ARFGEF1: variants seen among roughly 807,000 people sequenced by gnomAD.
ARFGEF1 encodes the protein brefeldin A-inhibited guanine nucleotide-exchange protein 1.
A neutral mutation model predicts 231.0 loss-of-function variants in ARFGEF1; 42 were observed. The ratio of observed to expected loss-of-function variants is 0.18; its 90% CI spans 0.14 to 0.24. ARFGEF1 has a LOEUF of 0.24. ARFGEF1 is among the 10% of genes least tolerant of loss of function. ARFGEF1 has a pLI of 1.00. For synonymous variants in ARFGEF1, 710 were observed against 732.3 expected, an observed-to-expected ratio of 0.97 and a Z score of 0.49; for missense variants, 1,345 against 2,192.0, an observed-to-expected ratio of 0.61 and a Z score of 7.72.
chr8:67,266,246 A>T, intron 13 of ARFGEF1, 39 bp from the exon 14 acceptor site: 1 of 1,544,098 alleles, frequency 6.5e-7, no homozygotes, highest in Non-Finnish European at 8.8e-7. Context: ...TTATTCTATC[A>T]AAGAAAAAAA....
intron 5 of ARFGEF1, among the ~76,000 whole-genome samples, chr8:67,182,716 C>A (rs756060775): frequency 2.0e-5 from 3 of 152,178 alleles, no homozygotes; most frequent in Non-Finnish European, 4.4e-5. Context: ...TTTTGACTTA[C>A]ATTTCTGTAA....
chr8:67,314,256 T>C (rs148965422), intron 1 of ARFGEF1, among the ~76,000 whole-genome samples: 1 of 152,304 alleles, frequency 6.6e-6, no homozygotes, highest in African/African-American at 2.4e-5. Context: ...AAGCCGCAGA[T>C]GGATTCAAGT....
At chr8:67,258,818 TACACACACACACACACAC>T (rs10576509) in intron 15 of ARFGEF1, among the ~76,000 whole-genome samples, 3 of 142,934 alleles carry the variant, frequency 2.1e-5, no homozygotes, top group African/African-American at 5.2e-5. Flanking sequence ...AAGCAGATTT[TACACACACACACACACAC>T]ACACACACAC....
At chr8:67,259,200 T>C (rs1173772301) in intron 15 of ARFGEF1, among the ~76,000 whole-genome samples, 3 of 152,166 alleles carry the variant, frequency 2.0e-5, no homozygotes, top group Non-Finnish European at 2.9e-5. Flanking sequence ...GAGGACCAAT[T>C]AGAGATGATT....
intron 34 of ARFGEF1, among the ~76,000 whole-genome samples, chr8:67,210,707 C>A (rs1361255972): frequency 6.6e-6 from 1 of 152,126 alleles, no homozygotes; most frequent in African/African-American, 2.4e-5. Context: ...TGACCTTCTG[C>A]AAGAGGGCAT....
chr8:67,291,563 C>G (rs756232448), intron 6 of ARFGEF1, among the ~76,000 whole-genome samples: 1 of 151,926 alleles, frequency 6.6e-6, no homozygotes, highest in Non-Finnish European at 1.5e-5. Flanking sequence ...TAACATTTAA[C>G]GGACATTTAT....
intron 29 of ARFGEF1, among the ~76,000 whole-genome samples, chr8:67,222,325 G>A (rs1335384293): frequency 6.7e-6 from 1 of 149,188 alleles, no homozygotes; most frequent in African/African-American, 2.5e-5. Flanking sequence ...GAGTGCAGTG[G>A]TGCCATCTTG....
intron 8 of ARFGEF1, 41 bp from the exon 9 acceptor site, chr8:67,276,150 G>C (rs1417175892): frequency 6.2e-7 from 1 of 1,606,750 alleles, no homozygotes; most frequent in Admixed American, 1.7e-5. Context: ...AGAGATATTT[G>C]CCAGTGTAAA....
intron 33 of ARFGEF1, among the ~76,000 whole-genome samples, chr8:67,215,459 A>G (rs1482272899): frequency 6.6e-6 from 1 of 152,194 alleles, no homozygotes; most frequent in Non-Finnish European, 1.5e-5. Flanking sequence ...ACTTGGAAAT[A>G]AGGTCTTTTC....
rs1308125389 is a variant in ARFGEF1 at position 67,211,570 on chromosome 8, G to A, written c.4732C>T (p.Pro1578Ser). 3 of 1,565,706 alleles carry A rather than the reference G, an allele frequency of 1.9e-6. No homozygotes were observed. Among genetic ancestry groups the A allele is most frequent in the African/African-American group, 2.7e-5 (2 of 72,938 alleles). The change falls in exon 34 of 39, where the codon CCA becomes TCA. Residue 1578 changes from proline (P) to serine (S), a missense_variant. Pro to Ser is a moderately conservative substitution (Grantham distance 74). Coordinates refer to ENST00000262215, the MANE Select transcript of ARFGEF1 (RefSeq NM_006421.5). ...KSVDIHDSIQ[P>S]RSVDNRPQAP... ...TGTGGTCTGTTATCCACAGACCTTGGTTGAATAGAATCATGAATATCTACA... is the reference window on the plus strand; with the variant it reads ...TGTGGTCTGTTATCCACAGACCTTGATTGAATAGAATCATGAATATCTACA...
rs562671176 is a variant in ARFGEF1, at chr8:67,296,580, T to C, written c.490A>G (p.Ile164Val). The C allele has an allele frequency of 1.2e-5, 19 of 1,612,874 alleles. No homozygotes were observed. The Admixed American group carries it at 3.2e-4, about 27-fold the overall frequency. ...AGTACAGTCCCTTCATGAATTTCTA[T>C]GTGTTGTGATGTTACTGCAGTAAGT... is the stretch of plus-strand genomic sequence containing the variant. ...ALLTAVTSQHIEIHEGTVLQA... is the reference protein window; with the variant it reads ...ALLTAVTSQHVEIHEGTVLQA... Residue 164 changes from isoleucine (I) to valine (V), a missense_variant, in exon 5 of 39, where the codon ATA becomes GTA. By Grantham distance (29) the Ile-to-Val change is conservative (BLOSUM62 3). Around this residue, in one of 14 missense-constraint regions of ARFGEF1, gnomAD observed 398 missense variants for 463.2 expected, o/e 0.86. Coordinates refer to ENST00000262215, the MANE Select transcript of ARFGEF1 (RefSeq NM_006421.5).
chr8:67,244,687 A>G (rs1450331577), intron 19 of ARFGEF1, among the ~76,000 whole-genome samples: 1 of 150,156 alleles, frequency 6.7e-6, no homozygotes, highest in Non-Finnish European at 1.5e-5. Flanking sequence ...ATACAGTCAG[A>G]GGAGACAAAA....
intron 1 of ARFGEF1, among the ~76,000 whole-genome samples, chr8:67,302,905 T>TAAAAAAAAAAAAAAAAAAAA (rs1563902346): frequency 2.0e-5 from 2 of 100,232 alleles, no homozygotes; most frequent in African/African-American, 7.7e-5. Flanking sequence ...ACCCCATCTC[T>TAAAAAAAAAAAAAAAAAAAA]TAAAAAAAAA....
chr8:67,237,416 T>C (rs1404911042), intron 22 of ARFGEF1, among the ~76,000 whole-genome samples: 1 of 152,246 alleles, frequency 6.6e-6, no homozygotes, highest in East Asian at 1.9e-4. Context: ...ATCATGGTCC[T>C]GGTTTTTAAT....
chr8:67,311,459 G>A (rs1587288098), intron 1 of ARFGEF1, among the ~76,000 whole-genome samples: 1 of 142,910 alleles, frequency 7.0e-6, no homozygotes, highest in Non-Finnish European at 1.6e-5. Flanking sequence ...ATCAGGGAGG[G>A]AGGTGGGGGG....
intron 1 of ARFGEF1, among the ~76,000 whole-genome samples, chr8:67,317,407 C>A (rs1807367937): frequency 6.6e-6 from 1 of 152,002 alleles, no homozygotes; most frequent in South Asian, 2.1e-4. Flanking sequence ...CTGTGAAATA[C>A]GACTCAACTC....
At chr8:67,268,148 T>C (rs2128894622) in intron 10 of ARFGEF1, among the ~76,000 whole-genome samples, 1 of 152,304 alleles carries the variant, frequency 6.6e-6, no homozygotes, top group African/African-American at 2.4e-5. Context: ...ATGAAACATA[T>C]GCATTATGAA....
intron 36 of ARFGEF1, 102 bp downstream of exon 36, chr8:67,202,981 T>C: frequency 2.4e-6 from 3 of 1,234,318 alleles, no homozygotes; most frequent in South Asian, 3.1e-5. Context: ...TATAGTGACA[T>C]GCACAGACCT....
intron 5 of ARFGEF1, among the ~76,000 whole-genome samples, chr8:67,294,403 G>A (rs888901012): frequency 6.6e-6 from 1 of 152,052 alleles, no homozygotes; most frequent in African/African-American, 2.4e-5. Context: ...GCAGAGTGTG[G>A]GGAAGAAAGG....
Sources: gnomAD v4.1 joint callset for allele counts (sites outside exome capture counted in the v4.1 genomes callset) on GRCh38, gnomAD v4.1.1 for gene constraint, gnomAD v4.1.1 regional missense constraint, MANE v1.5 for transcripts, NCBI Gene and HGNC (gene_info 2026-07-23, HGNC 2026-07-21) for gene names.